ANKHD1: variants seen among roughly 807,000 people sequenced by gnomAD.
ANKHD1 encodes the protein ankyrin repeat and KH domain-containing protein 1.
Under a neutral mutation model 230.5 loss-of-function variants are expected in ANKHD1, and 31 were observed. The ratio of observed to expected loss-of-function variants is 0.13; its 90% CI spans 0.10 to 0.18. ANKHD1 has a LOEUF of 0.18. Among genes scored for constraint, ANKHD1 ranks in the 10% least tolerant of loss-of-function variants. The probability of loss-of-function intolerance (pLI) is 1.00; values close to 1 mark genes in which losing one functional copy is unlikely to be tolerated. For synonymous variants in ANKHD1, 1,074 were observed against 1,117.6 expected (o/e 0.96, Z 0.78); for missense variants, 2,256 against 3,071.3 (o/e 0.73, Z 6.27).
At chr5:140,453,306 A>G (rs1255704748) in intron 7 of ANKHD1, among the ~76,000 whole-genome samples, 2 of 152,218 alleles carry the variant, frequency 1.3e-5, no homozygotes, top group African/African-American at 4.8e-5. Flanking sequence ...GTTATCCAGG[A>G]GAACCTCCCC....
chr5:140,424,923 C>T (rs1215253787), intron 1 of ANKHD1, among the ~76,000 whole-genome samples: 1 of 152,122 alleles, frequency 6.6e-6, no homozygotes, highest in East Asian at 1.9e-4. Flanking sequence ...TTGGGCCAGT[C>T]ACTTAACATT....
chr5:140,402,321 C>T (rs1314162015), intron 1 of ANKHD1, 48 bp downstream of exon 1: 1 of 1,420,738 alleles, frequency 7.0e-7, no homozygotes, highest in Admixed American at 2.9e-5. Context: ...GGCGTGAATT[C>T]TCTTTGGGTA....
Position 140,485,322 on chromosome 5 carries a change from T to C in ANKHD1, c.1998+74T>C. ...CTATGATCCCAGCACTTTAGAAAGC[T>C]GAGGCGGGTGGATCACTTGAGCCCA... On this transcript the variant is annotated intron_variant, in intron 12 of 33. Transcript: ENST00000360839. This position sits in a 1 kb window ranked among gnomAD's most constrained non-coding sequence, Gnocchi z 4.8. The C allele has an allele frequency of 1.3e-6, 2 of 1,512,752 alleles. No homozygotes were observed. The highest frequency in any genetic ancestry group is 1.8e-6 in the Non-Finnish European group (2 of 1,127,096). 93.7% of individuals were successfully genotyped at this position (1,512,752 alleles called of 1,614,324 possible). A position where few individuals can be genotyped will look rare whatever the true frequency, so the allele number is the denominator to read the frequency against.
intron 10 of ANKHD1, among the ~76,000 whole-genome samples, chr5:140,478,859 G>T (rs963859641): frequency 2.0e-5 from 3 of 152,068 alleles, no homozygotes; most frequent in Non-Finnish European, 2.9e-5. Context: ...GGTCAGGCTG[G>T]TCTGGAACTC....
chr5:140,457,407 A>G (rs899196905), intron 7 of ANKHD1, among the ~76,000 whole-genome samples: 10 of 152,228 alleles, frequency 6.6e-5, no homozygotes, highest in African/African-American at 2.4e-4. Context: ...ATGCACACAT[A>G]TGTTTATTGC....
At chr5:140,496,382 A>G in intron 14 of ANKHD1, 138 bp from the exon 15 acceptor site, 1 of 875,950 alleles carries the variant, frequency 1.1e-6, no homozygotes, top group Non-Finnish European at 1.6e-6. Context: ...TTCATTCTAT[A>G]ACATTAGTTA....
chr5:140,463,818 G>A (rs1043430748), intron 9 of ANKHD1, among the ~76,000 whole-genome samples: 6 of 151,952 alleles, frequency 3.9e-5, no homozygotes, highest in African/African-American at 1.2e-4. Context: ...ATCATGCCTG[G>A]CTAATTTTTT....
rs1561816710 is a variant in ANKHD1, at chr5:140,513,397, C to A, written c.4235C>A (p.Thr1412Asn). The A allele has an allele frequency of 6.2e-7, 1 of 1,612,628 alleles. No individual in the cohort carries two copies. The highest frequency in any genetic ancestry group is 8.5e-7 in the Non-Finnish European group (1 of 1,179,358). The change falls in exon 24 of 34, where the codon ACC (threonine) becomes AAC (asparagine). Residue 1412 changes from threonine to asparagine, a missense_variant. Coordinates refer to ENST00000360839, the MANE Select transcript of ANKHD1 (RefSeq NM_017747.3). ...AAAAAATGTCATCAATGTGTCGAAA[C>A]CATTGTGAAGGCTAAAGACCAGCAA... ...LLKKCHQCVETIVKAKDQQAA... is the reference protein window; with the variant it reads ...LLKKCHQCVENIVKAKDQQAA...
Position 140,485,159 on chromosome 5 carries a change from A to G in ANKHD1, c.1909A>G (p.Thr637Ala). ...CAGGGCTACAGCCAATAATGATCAT[A>G]CAGTAGTGTCGCTGGCATGTGCAGG... ...VNRATANNDH[T>A]VVSLACAGGH... Residue 637 changes from threonine to alanine, a missense_variant, in exon 12 of 34, where the codon ACA (threonine) becomes GCA (alanine). By Grantham distance (58) the Thr-to-Ala change is moderately conservative. Transcript: ENST00000360839. This position sits in a 1 kb window ranked among gnomAD's most constrained non-coding sequence, Gnocchi z 4.8. 1 of 1,613,960 alleles carries G rather than the reference A, an allele frequency of 6.2e-7. No homozygotes were observed. The highest frequency in any genetic ancestry group is 8.5e-7 in the Non-Finnish European group (1 of 1,179,884).
At chr5:140,473,457 T>A (rs1394330859) in intron 10 of ANKHD1, among the ~76,000 whole-genome samples, 1 of 152,100 alleles carries the variant, frequency 6.6e-6, no homozygotes, top group Admixed American at 6.5e-5. Flanking sequence ...TTTTTTTTTT[T>A]TGAGACAGGG....
At chr5:140,454,700 C>T (rs913575538) in intron 7 of ANKHD1, among the ~76,000 whole-genome samples, 1 of 152,154 alleles carries the variant, frequency 6.6e-6, no homozygotes, top group Admixed American at 6.6e-5. Flanking sequence ...ATCTCTGGGA[C>T]ACATTTAAAG....
rs115219524 is a variant in ANKHD1, at chr5:140,433,902, A to C, written c.307-2202A>C. 3.3e-3 allele frequency among the ~76,000 whole-genome samples: 509 copies of C among 152,238 alleles called. 3 individuals are homozygous for C. The highest frequency in any genetic ancestry group is 0.012 in the African/African-American group (479 of 41,552). On this transcript the variant is annotated intron_variant, in intron 1 of 33. Coordinates refer to ENST00000360839, the MANE Select transcript of ANKHD1 (RefSeq NM_017747.3). ...ATATCTCTTAATTTCTTGGCCTTACATTAAGCTGTTGTATGAGCAGTTGCT... is the reference window on the plus strand; with the variant it reads ...ATATCTCTTAATTTCTTGGCCTTACCTTAAGCTGTTGTATGAGCAGTTGCT...
chr5:140,528,164 T>G lies in ANKHD1; in HGVS notation c.5238-20T>G. 1.9e-6 allele frequency: 3 copies of G among 1,552,804 alleles called. No individual in the cohort carries two copies. The highest frequency in any genetic ancestry group is 2.6e-6 in the Non-Finnish European group (3 of 1,156,284). On this transcript the variant is annotated intron_variant, in intron 28 of 33. Transcript: ENST00000360839. ...TTTTTAATGTTTTTGGTCTTGTTTC[T>G]GTTTTTTTTTTTCCCTTAGGGGTGG...
rs1482389323 is a variant in ANKHD1, at chr5:140,528,884, A to T, written c.5938A>T (p.Thr1980Ser). Residue 1980 changes from threonine (T) to serine (S), a missense_variant, in exon 29 of 34, where the codon ACA (threonine) becomes TCA (serine). Around this residue, in one of 13 missense-constraint regions of ANKHD1, gnomAD observed 778 missense variants for 966.5 expected, o/e 0.80. Coordinates refer to ENST00000360839, the MANE Select transcript of ANKHD1 (RefSeq NM_017747.3). ...SPPATVISSV[T>S]STCSSLPSVS... ...TCCAGCAACAGTGATTTCTTCTGTG[A>T]CAAGCACTTGTAGTTCCCTGCCTTC... The T allele has an allele frequency of 5.6e-6, 9 of 1,614,162 alleles. No individual in the cohort carries two copies. In the Admixed American group the frequency reaches 1.2e-4, roughly 21 times the overall value.
chr5:140,528,168 T>G lies in ANKHD1; in HGVS notation c.5238-16T>G. The G allele has an allele frequency of 6.4e-7, 1 of 1,558,670 alleles. No individual in the cohort carries two copies. The highest frequency in any genetic ancestry group is 1.2e-5 in the South Asian group (1 of 81,926). ...TAATGTTTTTGGTCTTGTTTCTGTTTTTTTTTTTCCCTTAGGGGTGGCACA... is the reference window on the plus strand; with the variant it reads ...TAATGTTTTTGGTCTTGTTTCTGTTGTTTTTTTTCCCTTAGGGGTGGCACA... On this transcript the variant is annotated splice_polypyrimidine_tract_variant and intron_variant, in intron 28 of 33. Coordinates refer to ENST00000360839, the MANE Select transcript of ANKHD1 (RefSeq NM_017747.3).
chr5:140,504,760 C>T (rs1752475019), intron 15 of ANKHD1, 61 bp from the exon 16 acceptor site: 1 of 1,555,780 alleles, frequency 6.4e-7, no homozygotes, highest in Non-Finnish European at 8.7e-7. Context: ...TTGTGTTTTT[C>T]TATGTACAAA....
intron 24 of ANKHD1, among the ~76,000 whole-genome samples, chr5:140,522,422 A>T (rs1447230797): frequency 1.3e-5 from 2 of 152,216 alleles, no homozygotes; most frequent in Non-Finnish European, 2.9e-5. Context: ...ACAATGCTCA[A>T]TGATTGTAAG....
chr5:140,506,670 C>A lies in ANKHD1; in HGVS notation c.3409-165C>A, dbSNP rs889885917. ...AACTCTGAATTCCTGAAATTGAATC[C>A]ATTTCTCTAGTGTTGATATTTCAAT... On this transcript the variant is annotated intron_variant, in intron 18 of 33. Transcript: ENST00000360839. The surrounding 1 kb of genome is among the most constrained non-coding windows in gnomAD (Gnocchi z 4.7). Among the ~76,000 whole-genome samples, 4 of 152,096 alleles carry A rather than the reference C, an allele frequency of 2.6e-5. No homozygotes were observed. The highest frequency in any genetic ancestry group is 5.9e-5 in the Non-Finnish European group (4 of 68,024).
intron 15 of ANKHD1, among the ~76,000 whole-genome samples, chr5:140,499,439 C>T (rs899497968): frequency 9.2e-5 from 14 of 152,078 alleles, no homozygotes; most frequent in African/African-American, 3.1e-4. Context: ...TCTTAAAATT[C>T]TACTTTAGAA....
Sources: gnomAD v4.1 joint callset for allele counts (sites outside exome capture counted in the v4.1 genomes callset) on GRCh38, gnomAD v4.1.1 for gene constraint, gnomAD v4.1.1 regional missense constraint, Gnocchi (gnomAD v3.1) non-coding constraint, MANE v1.5 for transcripts, NCBI Gene and HGNC (gene_info 2026-07-23, HGNC 2026-07-21) for gene names.